The following HENMT1 variants were observed in gnomAD, a reference collection of about 807,000 sequenced individuals.
The protein encoded by HENMT1 is small RNA 2'-O-methyltransferase.
Under a neutral mutation model 31.1 loss-of-function variants are expected in HENMT1, and 27 were observed. That is an observed-to-expected ratio of 0.87 (90% confidence interval 0.64 to 1.20). The LOEUF is 1.20. Ranked by LOEUF, HENMT1 falls within the 50% of genes most tolerant of loss-of-function variation. The pLI, the probability that HENMT1 is intolerant of heterozygous loss-of-function variation, is 0.00. For missense variants in HENMT1, 438 were observed against 469.6 expected (o/e 0.93, Z 0.62); for synonymous variants, 167 against 172.2 (o/e 0.97, Z 0.24).
chr1:108,655,800 T>G, intron 3 of HENMT1, 102 bp from the exon 4 acceptor site: 1 of 529,344 alleles, frequency 1.9e-6, no homozygotes, highest in Non-Finnish European at 3.4e-6. Flanking sequence ...ATATCAGTAA[T>G]AAAATAATGA....
At chr1:108,658,133 A>ATTT (rs796291842) in intron 2 of HENMT1, among the ~76,000 whole-genome samples, 1 of 134,174 alleles carries the variant, frequency 7.5e-6, no homozygotes. Flanking sequence ...ATATATATAT[A>ATTT]TTTTTTTTTT....
chr1:108,649,969 A>G (rs1235549838), intron 7 of HENMT1: 1 of 594,468 alleles, frequency 1.7e-6, no homozygotes, highest in Non-Finnish European at 3.1e-6. Context: ...GAAGTATTCT[A>G]AGACAACCCC....
chr1:108,649,311 G>T, intron 7 of HENMT1: 1 of 482,448 alleles, frequency 2.1e-6, no homozygotes, highest in South Asian at 1.5e-5. Context: ...AGTTAAAAGG[G>T]AAAACGTGGG....
At chr1:108,654,650 A>C in intron 5 of HENMT1, 66 bp downstream of exon 5, 1 of 1,508,684 alleles carries the variant, frequency 6.6e-7, no homozygotes, top group South Asian at 1.2e-5. Context: ...TAGGACACTA[A>C]GATCACTGAG....
chr1:108,650,322 AGCTGGTG>A lies in HENMT1; in HGVS notation c.638_644del (p.Pro213LeufsTer12). 1 of 1,614,148 alleles carries A rather than the reference AGCTGGTG, an allele frequency of 6.2e-7. No individual in the cohort carries two copies. The highest frequency in any genetic ancestry group is 1.3e-5 in the African/African-American group (1 of 75,048). On this transcript the variant is annotated frameshift_variant, in exon 7 of 8. Transcript: ENST00000651461. LOFTEE classifies it high-confidence loss of function. Reference sequence around the variant, plus strand: ...TACAGTATCCAACATTCTCAGCTCCAGCTGGTGGTTCCCCGACACCAGTAAACTCCAC... The same window carrying A: ...TACAGTATCCAACATTCTCAGCTCCAGTTCCCCGACACCAGTAAACTCCAC...
intron 2 of HENMT1, among the ~76,000 whole-genome samples, chr1:108,658,062 T>C (rs200016260): frequency 3.4e-4 from 27 of 79,022 alleles, no homozygotes; most frequent in Middle Eastern, 5.0e-3. Flanking sequence ...CACACACACA[T>C]ATATATGTAC....
intron 2 of HENMT1, among the ~76,000 whole-genome samples, chr1:108,659,340 G>T (rs1445310164): frequency 6.6e-6 from 1 of 151,960 alleles, no homozygotes; most frequent in Non-Finnish European, 1.5e-5. Context: ...TTCCAGCCTG[G>T]GCAACAGAGC....
intron 3 of HENMT1, among the ~76,000 whole-genome samples, chr1:108,656,968 T>C (rs1413842680): frequency 6.6e-6 from 1 of 152,210 alleles, no homozygotes; most frequent in African/African-American, 2.4e-5. Flanking sequence ...GGAATCCACC[T>C]GTGCTTTGTG....
intron 5 of HENMT1, among the ~76,000 whole-genome samples, chr1:108,651,814 C>G (rs564356752): frequency 1.5e-4 from 23 of 152,158 alleles, no homozygotes; most frequent in Admixed American, 1.5e-3. Flanking sequence ...TCCTACCCCC[C>G]AACTCCATCT....
chr1:108,658,431 C>CCA (rs747029775), intron 2 of HENMT1, among the ~76,000 whole-genome samples: 14 of 152,130 alleles, frequency 9.2e-5, no homozygotes, highest in Non-Finnish European at 2.1e-4. Context: ...CCACACCCAG[C>CCA]CAACACTCTT....
In HENMT1 at chr1:108,657,509, A is replaced by G. The variant is rs1379579093; in HGVS notation, c.92T>C (p.Leu31Pro). The G allele has an allele frequency of 2.5e-6, 4 of 1,611,144 alleles. No individual in the cohort carries two copies. Among genetic ancestry groups the G allele is most frequent in the African/African-American group, 1.3e-5 (1 of 74,836 alleles). ...RETAIQFKPP[L>P]YRQRYQFVKN... ...AACGAACTGGTACCGCTGTCTGTAT[A>G]GTGGAGGTTTAAACTGAATTGCCGT... The change falls in exon 3 of 8, where the codon CTA becomes CCA. Residue 31 changes from leucine to proline, a missense_variant. Leu to Pro is a moderately conservative substitution (Grantham distance 98, BLOSUM62 -3). Transcript: ENST00000651461.
intron 4 of HENMT1, 60 bp downstream of exon 4, chr1:108,655,526 A>C (rs1318373802): frequency 1.0e-6 from 1 of 973,212 alleles, no homozygotes; most frequent in Non-Finnish European, 1.5e-6. Flanking sequence ...ACTTTCTCTA[A>C]ACTCAATAAT....
intron 2 of HENMT1, among the ~76,000 whole-genome samples, chr1:108,658,070 TACACAC>T (rs139208659): frequency 0.71 from 98,728 of 139,930 alleles, 35,743 homozygotes; most frequent in South Asian, 0.81. Context: ...CATATATATG[TACACAC>T]ACACACACAC....
At chr1:108,658,038 C>T (rs867714408) in intron 2 of HENMT1, among the ~76,000 whole-genome samples, 5 of 123,758 alleles carry the variant, frequency 4.0e-5, no homozygotes, top group African/African-American at 1.4e-4. Flanking sequence ...CACACACACA[C>T]ATATATATAC....
rs374033087 is a variant in HENMT1 at position 108,659,892 on chromosome 1, C to G, written c.-8G>C. The stretch of plus-strand genomic sequence containing the variant: ...TAGATTATTTTCTTCCATTTTGTTT[C>G]GAAGTTTTGTTGAAACAAAAATGAA... On this transcript the variant is annotated 5_prime_UTR_variant, in exon 2 of 8. Coordinates refer to ENST00000651461, the MANE Select transcript of HENMT1 (RefSeq NM_001102592.2). 3 of 1,598,798 alleles carry G rather than the reference C, an allele frequency of 1.9e-6. No homozygotes were observed. The East Asian group carries it at 6.9e-5, about 37-fold the overall frequency.
chr1:108,659,755 G>A (rs1658385284), intron 2 of HENMT1, 109 bp downstream of exon 2: 1 of 674,654 alleles, frequency 1.5e-6, no homozygotes, highest in Admixed American at 2.8e-5. Context: ...CCAACACCCC[G>A]GGAAATGCTA....
chr1:108,660,640 C>T (rs1421368795), intron 1 of HENMT1, among the ~76,000 whole-genome samples: 2 of 152,140 alleles, frequency 1.3e-5, no homozygotes, highest in Admixed American at 6.5e-5. Flanking sequence ...ATTAAGAAAC[C>T]CTGGCCGGGC....
intron 4 of HENMT1, 117 bp downstream of exon 4, chr1:108,655,469 G>T: frequency 1.8e-6 from 1 of 546,316 alleles, no homozygotes; most frequent in South Asian, 3.1e-5. Context: ...TCAGTGAGTT[G>T]AAGATCCCTA....
rs1223611604 is a variant in HENMT1, at chr1:108,654,776, C to G, written c.338G>C (p.Gly113Ala). 10 of 1,613,956 alleles carry G rather than the reference C, an allele frequency of 6.2e-6. No homozygotes were observed. The highest frequency in any genetic ancestry group is 8.5e-6 in the Non-Finnish European group (10 of 1,179,974). Residue 113 changes from glycine (G) to alanine (A), a missense_variant, in exon 5 of 8, where the codon GGC becomes GCC. Coordinates refer to ENST00000651461, the MANE Select transcript of HENMT1 (RefSeq NM_001102592.2). Reference protein sequence around the residue: ...DLNLTITLYHGSVVERDSRLL... With the variant: ...DLNLTITLYHASVVERDSRLL... ...ACGAGAGTCTCTCTCCACAACGGAG[C>G]CATGATACAATGTGATGGTCAAATT...
Sources: allele counts gnomAD v4.1 joint callset (sites outside exome capture counted in the v4.1 genomes callset), GRCh38; gene constraint gnomAD v4.1.1; transcripts MANE v1.5; gene names NCBI Gene and HGNC (gene_info 2026-07-23, HGNC 2026-07-21).